Variants in BIN1 observed in about 807,000 individuals in gnomAD.
BIN1 encodes the protein myc box-dependent-interacting protein 1.
Under a neutral mutation model 82.0 loss-of-function variants are expected in BIN1, and 53 were observed. The observed-to-expected ratio is 0.65, with a 90% CI of 0.52 to 0.81. The LOEUF is 0.81. BIN1 is among the 40% of genes least tolerant of loss of function. BIN1 has a pLI of 0.00. For synonymous variants in BIN1, 302 were observed against 328.0 expected (o/e 0.92, Z 0.86); for missense variants, 642 against 784.4 (o/e 0.82, Z 2.17).
chr2:127,062,271 G>A (rs1684605431), intron 9 of BIN1, 74 bp from the exon 10 acceptor site: 1 of 1,416,038 alleles, frequency 7.1e-7, no homozygotes, highest in African/African-American at 1.4e-5. Flanking sequence ...AAACACCTCT[G>A]CTTCTCCCCA....
intron 2 of BIN1, among the ~76,000 whole-genome samples, chr2:127,075,492 C>A (rs1303298251): frequency 2.6e-5 from 4 of 152,208 alleles, no homozygotes; most frequent in Non-Finnish European, 5.9e-5. Context: ...CAGTAGATAT[C>A]CCTGCCACAG....
intron 1 of BIN1, among the ~76,000 whole-genome samples, chr2:127,104,431 G>C (rs1680759116): frequency 6.6e-6 from 1 of 152,156 alleles, no homozygotes; most frequent in Non-Finnish European, 1.5e-5. Context: ...TGTTTGGGCT[G>C]GAAGTGGATG....
At position 127,059,962 on chromosome 2, in the gene BIN1, G is replaced by A. The variant is rs565320244; in HGVS notation, c.858-807C>T. ...GGCGGCAATGCAAACTCAAAGCAATGAAATTTACGTGTAATTCAAATGAAA... is the reference window on the plus strand; with the variant it reads ...GGCGGCAATGCAAACTCAAAGCAATAAAATTTACGTGTAATTCAAATGAAA... On this transcript the variant is annotated intron_variant, in intron 10 of 18. Transcript: ENST00000316724. The surrounding 1 kb of genome is among the most constrained non-coding windows in gnomAD (Gnocchi z 6.7). Among the ~76,000 whole-genome samples, 1 of 152,292 alleles carries A rather than the reference G, an allele frequency of 6.6e-6. No homozygotes were observed. Among genetic ancestry groups the A allele is most frequent in the Non-Finnish European group, 1.5e-5 (1 of 68,016 alleles).
Position 127,054,099 on chromosome 2 carries a change from A to G in BIN1, c.1132-87T>C, listed in dbSNP as rs1017354429. 1.5e-5 allele frequency: 16 copies of G among 1,036,928 alleles called. No homozygotes were observed. The Admixed American group carries it at 1.8e-4, about 12-fold the overall frequency. The allele number at this position is 1,036,928 out of a possible 1,614,324, so 64.2% of individuals were successfully genotyped here. A position where few individuals can be genotyped will look rare whatever the true frequency, so the allele number is the denominator to read the frequency against. ...CCAGGCAGACACTGCAGGCACAGGC[A>G]CACGCGTGGACACACACACATACAC... On this transcript the variant is annotated intron_variant, in intron 12 of 18. Coordinates refer to ENST00000316724, the MANE Select transcript of BIN1 (RefSeq NM_139343.3).
chr2:127,083,211 GA>G (rs1687527391), intron 1 of BIN1, among the ~76,000 whole-genome samples: 1 of 151,332 alleles, frequency 6.6e-6, no homozygotes, highest in South Asian at 2.1e-4. Context: ...TCAGCGTCCC[GA>G]GTAGCTGGGA....
chr2:127,053,492 G>C, intron 13 of BIN1, 47 bp from the exon 14 acceptor site: 3 of 1,608,388 alleles, frequency 1.9e-6, no homozygotes, highest in South Asian at 2.2e-5. Flanking sequence ...ACAGAGGTTA[G>C]AGACAGGGCG....
At chr2:127,070,675 C>CCT in intron 3 of BIN1, 28 bp from the exon 4 acceptor site, 2 of 1,613,870 alleles carry the variant, frequency 1.2e-6, no homozygotes, top group Non-Finnish European at 8.5e-7. Context: ...AGTATGTGGG[C>CCT]CTCCCACTGA....
chr2:127,062,935 T>C (rs895125331), intron 9 of BIN1, among the ~76,000 whole-genome samples: 2 of 152,194 alleles, frequency 1.3e-5, no homozygotes, highest in African/African-American at 4.8e-5. Context: ...CCTCCGACCC[T>C]GGGCCTGGAA....
chr2:127,058,486 G>A, intron 11 of BIN1, among the ~76,000 whole-genome samples: 1 of 152,120 alleles, frequency 6.6e-6, no homozygotes, highest in Admixed American at 6.5e-5. Context: ...AGGCGGGGTG[G>A]AGACAAGGAC....
chr2:127,065,750 G>A (rs1415789350), intron 7 of BIN1, among the ~76,000 whole-genome samples: 1 of 152,216 alleles, frequency 6.6e-6, no homozygotes, highest in Non-Finnish European at 1.5e-5. Flanking sequence ...TCTGCACCCA[G>A]CCGTGCTCTC....
chr2:127,097,335 C>G (rs532794946), intron 1 of BIN1, among the ~76,000 whole-genome samples: 1 of 147,778 alleles, frequency 6.8e-6, no homozygotes, highest in Admixed American at 6.7e-5. Flanking sequence ...GGCCCAGGAG[C>G]GTCACCCCTC....
At chr2:127,095,320 A>G (rs1374270493) in intron 1 of BIN1, among the ~76,000 whole-genome samples, 1 of 152,146 alleles carries the variant, frequency 6.6e-6, no homozygotes, top group Non-Finnish European at 1.5e-5. Context: ...GCTTCATTCA[A>G]ATCTGATCCT....
At chr2:127,056,911 G>A (rs556406241) in intron 12 of BIN1, among the ~76,000 whole-genome samples, 5 of 152,352 alleles carry the variant, frequency 3.3e-5, no homozygotes, top group South Asian at 4.1e-4. Context: ...GACCCTCTGC[G>A]TGGCTCCTTG....
chr2:127,049,459 C>T (rs1174161332), intron 18 of BIN1, among the ~76,000 whole-genome samples: 1 of 152,194 alleles, frequency 6.6e-6, no homozygotes, highest in Non-Finnish European at 1.5e-5. Context: ...ACCTGGTACC[C>T]CTACATCCCA....
intron 14 of BIN1, 140 bp from the exon 15 acceptor site, chr2:127,052,502 G>T: frequency 1.4e-6 from 1 of 736,886 alleles, no homozygotes; most frequent in Non-Finnish European, 2.2e-6. Context: ...AGCGGAGCCC[G>T]GCCAGCCACC....
rs372302632 is a variant in BIN1, at chr2:127,050,928, C to A, written c.1462-16G>T. The A allele has an allele frequency of 1.2e-6, 2 of 1,611,216 alleles. No individual in the cohort carries two copies. The highest frequency in any genetic ancestry group is 1.3e-5 in the African/African-American group (1 of 74,850). On this transcript the variant is annotated splice_polypyrimidine_tract_variant and intron_variant, in intron 16 of 18. Coordinates refer to ENST00000316724, the MANE Select transcript of BIN1 (RefSeq NM_139343.3). ...GAAGAGAGCTCTGGTGGCAGAGGTA[C>A]GGGTCAGCTGAGCAGGGAGGTGGTC...
rs74745874 is a variant in BIN1 at position 127,053,011 on chromosome 2, G to A, written c.1263+411C>T. On this transcript the variant is annotated intron_variant, in intron 14 of 18. Transcript: ENST00000316724. ...CCATTCCTCCCCTCTCCCCTTCCTCGCAAACAGCTCCCCACTGCCAAAAAG... is the reference window on the plus strand; with the variant it reads ...CCATTCCTCCCCTCTCCCCTTCCTCACAAACAGCTCCCCACTGCCAAAAAG... The A allele has an allele frequency of 7.6e-3, 2,261 of 298,350 alleles. 64 individuals carry two copies. The highest frequency in any genetic ancestry group is 0.046 in the African/African-American group (2,134 of 46,680). 18.5% of individuals were successfully genotyped at this position (298,350 alleles called of 1,614,324 possible).
At chr2:127,072,349 G>A (rs1685995193) in intron 2 of BIN1, among the ~76,000 whole-genome samples, 1 of 152,224 alleles carries the variant, frequency 6.6e-6, no homozygotes, top group Non-Finnish European at 1.5e-5. Flanking sequence ...CTTCCAGGCA[G>A]TCTTCTCAAC....
Position 127,068,205 on chromosome 2 carries a change from C to A in BIN1, c.570G>T (p.Leu190=), listed in dbSNP as rs767620839. 10 of 1,613,674 alleles carry A rather than the reference C, an allele frequency of 6.2e-6. No homozygotes were observed. Among genetic ancestry groups the A allele is most frequent in the Middle Eastern group, 1.6e-4 (1 of 6,082 alleles). Residue 190 remains leucine (L), a synonymous_variant, in exon 7 of 19, where the codon CTG becomes CTT. Transcript: ENST00000316724. The surrounding 1 kb of genome is among the most constrained non-coding windows in gnomAD (Gnocchi z 4.9). ...TAGTTTGAGCTACGAGATGAGCCTG[C>A]AGTTTGCCTTGGCACCACTGGGGGG... ...KAAPQWCQGK[L]QAHLVAQTNL... is the part of the protein sequence containing the mutation.
Sources: gnomAD v4.1 joint callset for allele counts (sites outside exome capture counted in the v4.1 genomes callset) on GRCh38, gnomAD v4.1.1 for gene constraint, Gnocchi (gnomAD v3.1) non-coding constraint, MANE v1.5 for transcripts, NCBI Gene and HGNC (gene_info 2026-07-23, HGNC 2026-07-21) for gene names.